CSNK1A1: variants seen among roughly 807,000 people sequenced by gnomAD.
The protein encoded by CSNK1A1 is casein kinase 1 alpha 1.
A neutral mutation model predicts 46.1 loss-of-function variants in CSNK1A1; 7 were observed. The observed-to-expected ratio is 0.15, with a 90% CI of 0.09 to 0.29. The LOEUF (loss-of-function observed/expected upper bound fraction) is 0.29. CSNK1A1 is among the 10% of genes least tolerant of loss of function. CSNK1A1 has a pLI of 1.00. For synonymous variants in CSNK1A1, 137 were observed against 141.5 expected, an observed-to-expected ratio of 0.97 and a Z score of 0.23; for missense variants, 96 against 417.1, an observed-to-expected ratio of 0.23 and a Z score of 6.71.
At chr5:149,528,128 A>G (rs1316861972) in intron 2 of CSNK1A1, among the ~76,000 whole-genome samples, 1 of 152,210 alleles carries the variant, frequency 6.6e-6, no homozygotes, top group Non-Finnish European at 1.5e-5. Context: ...GAAACTGGGA[A>G]GAATTAGATG....
chr5:149,501,082 C>T (rs953609696), intron 9 of CSNK1A1: 35 of 985,220 alleles, frequency 3.6e-5, no homozygotes, highest in Non-Finnish European at 3.9e-5. Flanking sequence ...GTCATAGCAA[C>T]GCTGTATTCT....
intron 2 of CSNK1A1, among the ~76,000 whole-genome samples, chr5:149,537,779 CT>C (rs1319043925): frequency 1.3e-5 from 1 of 79,112 alleles, no homozygotes; most frequent in Non-Finnish European, 2.5e-5. Context: ...TAACGGGGTC[CT>C]ACTGTTGCAA....
rs183170396 is a variant in CSNK1A1 at position 149,546,291 on chromosome 5, G to A, written c.230+3784C>T. 6.3e-4 allele frequency among the ~76,000 whole-genome samples: 96 copies of A among 152,134 alleles called. 2 individuals carry two copies. The East Asian group carries it at 0.016, about 25-fold the overall frequency. On this transcript the variant is annotated intron_variant, in intron 2 of 9. Coordinates refer to ENST00000377843, the MANE Select transcript of CSNK1A1 (RefSeq NM_001892.6). ...GGACCTGATTCAGCAGGTCATCTAC[G>A]CAGGCCAGGTAATTTTCAGTCTCTG...
chr5:149,530,104 AT>A (rs982991591), intron 2 of CSNK1A1, among the ~76,000 whole-genome samples: 27 of 152,268 alleles, frequency 1.8e-4, no homozygotes, highest in African/African-American at 6.5e-4. Flanking sequence ...AAAAAAAAAA[AT>A]TTAATGTAGA....
In CSNK1A1 at chr5:149,525,936, T is replaced by G. The variant is rs189052899; in HGVS notation, c.231-765A>C. ...TTTCAAACTTTTCTAGATATTAAAT[T>G]CTGCTAAGAAAATCAGGTGATACTT... is the stretch of plus-strand genomic sequence containing the variant. On this transcript the variant is annotated intron_variant, in intron 2 of 9. Transcript: ENST00000377843. This position sits in a 1 kb window ranked among gnomAD's most constrained non-coding sequence, Gnocchi z 4.2. 9.0e-4 allele frequency among the ~76,000 whole-genome samples: 137 copies of G among 152,310 alleles called. 2 individuals carry two copies. Among genetic ancestry groups the G allele is most frequent in the African/African-American group, 3.0e-3 (124 of 41,566 alleles).
At chr5:149,522,806 A>G (rs902964082) in intron 3 of CSNK1A1, among the ~76,000 whole-genome samples, 1 of 152,174 alleles carries the variant, frequency 6.6e-6, no homozygotes, top group Non-Finnish European at 1.5e-5. Flanking sequence ...ACAACTCTAC[A>G]ACAAGGATGG....
intron 4 of CSNK1A1, among the ~76,000 whole-genome samples, chr5:149,515,676 T>C (rs1165567000): frequency 1.3e-5 from 2 of 152,200 alleles, no homozygotes; most frequent in Non-Finnish European, 2.9e-5. Flanking sequence ...TACCTTCGGG[T>C]ACCTATCAAG....
At chr5:149,534,478 G>T (rs538004141) in intron 2 of CSNK1A1, among the ~76,000 whole-genome samples, 1 of 49,460 alleles carries the variant, frequency 2.0e-5, no homozygotes, top group African/African-American at 9.6e-5. Context: ...GCGAGACTCT[G>T]TCTCAAAAAA....
Position 149,551,011 on chromosome 5 carries a change from GGAA to G in CSNK1A1, c.-50_-48del. The G allele has an allele frequency of 6.2e-7, 1 of 1,610,486 alleles. No homozygotes were observed. The highest frequency in any genetic ancestry group is 2.2e-5 in the East Asian group (1 of 44,844). On this transcript the variant is annotated 5_prime_UTR_variant, in exon 1 of 10. Coordinates refer to ENST00000377843, the MANE Select transcript of CSNK1A1 (RefSeq NM_001892.6). ...CTGGGGCCAAGCCCCGACACCTCTG[GGAA>G]GAGGACGGAGGCCTCGGGGCTCCTA...
chr5:149,499,882 A>C (rs1760768169), intron 9 of CSNK1A1, among the ~76,000 whole-genome samples: 1 of 151,906 alleles, frequency 6.6e-6, no homozygotes, highest in South Asian at 2.1e-4. Context: ...AACTTTTTAA[A>C]AGTTATTTTG....
intron 2 of CSNK1A1, among the ~76,000 whole-genome samples, chr5:149,547,367 G>A (rs1028838626): frequency 9.9e-5 from 15 of 152,126 alleles, no homozygotes; most frequent in South Asian, 2.1e-4. Context: ...GCCCTTATGG[G>A]TCTGTATCAG....
At chr5:149,524,253 A>G (rs1761665071) in intron 3 of CSNK1A1, among the ~76,000 whole-genome samples, 2 of 152,084 alleles carry the variant, frequency 1.3e-5, no homozygotes, top group South Asian at 4.1e-4. Context: ...ATATTTTTAA[A>G]TGTCATTCTC....
Position 149,550,335 on chromosome 5 carries a change from A to G in CSNK1A1, c.124-154T>C. ...GCTCTCGGTAATTATAAAACGAGGC[A>G]ACCAGCCTCAAAGGCCTCTTCAGGG... On this transcript the variant is annotated intron_variant, in intron 1 of 9. Coordinates refer to ENST00000377843, the MANE Select transcript of CSNK1A1 (RefSeq NM_001892.6). This position sits in a 1 kb window ranked among gnomAD's most constrained non-coding sequence, Gnocchi z 4.3. 7.0e-7 allele frequency: 1 copy of G among 1,434,994 alleles called. No homozygotes were observed. The highest frequency in any genetic ancestry group is 9.1e-7 in the Non-Finnish European group (1 of 1,099,430). The allele number at this position is 1,434,994 out of a possible 1,614,324, so 88.9% of individuals were successfully genotyped here.
chr5:149,534,482 C>CAAAAAAAAAAA (rs10597922), intron 2 of CSNK1A1, among the ~76,000 whole-genome samples: 7 of 94,982 alleles, frequency 7.4e-5, no homozygotes, highest in African/African-American at 3.0e-4. Context: ...GACTCTGTCT[C>CAAAAAAAAAAA]AAAAAAAAAA....
At chr5:149,501,841 ATAATC>A (rs1580818023) in intron 9 of CSNK1A1, 1 of 975,240 alleles carries the variant, frequency 1.0e-6, no homozygotes, top group East Asian at 1.1e-4. Context: ...TACTTTTTTG[ATAATC>A]ACATATAGTC....
intron 9 of CSNK1A1, chr5:149,499,322 G>T: frequency 1.6e-6 from 1 of 630,336 alleles, no homozygotes; most frequent in Non-Finnish European, 2.0e-6. Flanking sequence ...GGGGAGGGGG[G>T]AGTTAAAACA....
Position 149,550,029 on chromosome 5 carries a change from T to C in CSNK1A1, c.230+46A>G, listed in dbSNP as rs749139060. The C allele has an allele frequency of 1.5e-5, 24 of 1,590,900 alleles. No individual in the cohort carries two copies. The highest frequency in any genetic ancestry group is 1.9e-5 in the Non-Finnish European group (22 of 1,165,910). ...TTACCTGCCTCTACCCACTTCCCCA[T>C]TCCGTGCTTCCCTCAGCGGATCGCC... On this transcript the variant is annotated intron_variant, in intron 2 of 9. Coordinates refer to ENST00000377843, the MANE Select transcript of CSNK1A1 (RefSeq NM_001892.6). This position sits in a 1 kb window ranked among gnomAD's most constrained non-coding sequence, Gnocchi z 4.3.
Position 149,520,323 on chromosome 5 carries a change from G to A in CSNK1A1, c.423C>T (p.Asn141=). 2 of 1,609,548 alleles carry A rather than the reference G, an allele frequency of 1.2e-6. No homozygotes were observed. Among genetic ancestry groups the A allele is most frequent in the Non-Finnish European group, 1.7e-6 (2 of 1,176,410 alleles). ...AGTGACGCCCAATACCCATTAGGAA[G>A]TTATCTGGTTTAATGTCTCTGTGTA... The part of the protein sequence containing the change: ...NFIHRDIKPD[N]FLMGIGRHCN... Residue 141 remains asparagine (N), a synonymous_variant, in exon 4 of 10, where the codon AAC becomes AAT. Coordinates refer to ENST00000377843, the MANE Select transcript of CSNK1A1 (RefSeq NM_001892.6).
rs551976374 is a variant in CSNK1A1 at position 149,525,349 on chromosome 5, G to GA, written c.231-179dup. Among the ~76,000 whole-genome samples, 717 of 152,178 alleles carry GA rather than the reference G, an allele frequency of 4.7e-3. 7 individuals are homozygous for GA. Among genetic ancestry groups the GA allele is most frequent in the Admixed American group, 0.011 (163 of 15,278 alleles). On this transcript the variant is annotated intron_variant, in intron 2 of 9. Transcript: ENST00000377843. This position sits in a 1 kb window ranked among gnomAD's most constrained non-coding sequence, Gnocchi z 4.2. ...GGCCCAAAGACAAAACAAGGGTAATGAGACTTTTTTTTTTCCCTGTCATGC... is the reference window on the plus strand; with the variant it reads ...GGCCCAAAGACAAAACAAGGGTAATGAAGACTTTTTTTTTTCCCTGTCATGC...
Sources: gnomAD v4.1 joint callset for allele counts (sites outside exome capture counted in the v4.1 genomes callset) on GRCh38, gnomAD v4.1.1 for gene constraint, Gnocchi (gnomAD v3.1) non-coding constraint, MANE v1.5 for transcripts, NCBI Gene and HGNC (gene_info 2026-07-23, HGNC 2026-07-21) for gene names.